Variants in PDS5B observed in about 807,000 individuals in gnomAD.
The protein encoded by PDS5B is PDS5 cohesin associated factor B, also known as sister chromatid cohesion protein PDS5 homolog B.
Under a neutral mutation model 184.1 loss-of-function variants are expected in PDS5B, and 51 were observed. The observed-to-expected ratio is 0.28, with a 90% CI of 0.22 to 0.35. The LOEUF (loss-of-function observed/expected upper bound fraction) is 0.35. Ranked by LOEUF, PDS5B falls within the 10% of genes least tolerant of loss-of-function variation. The probability of loss-of-function intolerance (pLI) is 1.00; values close to 1 mark genes in which losing one functional copy is unlikely to be tolerated. For synonymous variants in PDS5B, 566 were observed against 569.2 expected (o/e 0.99, Z 0.08); for missense variants, 1,180 against 1,723.3 (o/e 0.68, Z 5.58).
chr13:32,715,339 G>A (rs1427114270), intron 19 of PDS5B, among the ~76,000 whole-genome samples: 1 of 152,098 alleles, frequency 6.6e-6, no homozygotes, highest in Admixed American at 6.5e-5. Context: ...TTATCATGAG[G>A]TTACCCTGTC....
rs1324382029 is a variant in PDS5B at position 32,667,803 on chromosome 13, C to T, written c.664C>T (p.Leu222=). The T allele has an allele frequency of 1.3e-6, 2 of 1,596,242 alleles. No homozygotes were observed. Among genetic ancestry groups the T allele is most frequent in the East Asian group, 4.5e-5 (2 of 44,204 alleles). Reference sequence around the variant, plus strand: ...AGCATATGATTTGGCAAAGGCTTTACTGAAGAGGACAGCTCAAGCTATTGA... The same window carrying T: ...AGCATATGATTTGGCAAAGGCTTTATTGAAGAGGACAGCTCAAGCTATTGA... ...KQAYDLAKAL[L]KRTAQAIEPY... The change falls in exon 7 of 35, where the codon CTG becomes TTG. Residue 222 remains leucine (L), a synonymous_variant. Transcript: ENST00000315596.
chr13:32,760,820 A>G (rs1167533785), intron 30 of PDS5B, 100 bp downstream of exon 30: 2 of 1,118,006 alleles, frequency 1.8e-6, no homozygotes, highest in African/African-American at 1.6e-5. Context: ...CAGTAAATGG[A>G]AAGTAATGTA....
chr13:32,758,254 A>T, intron 27 of PDS5B, 35 bp downstream of exon 27: 1 of 1,435,058 alleles, frequency 7.0e-7, no homozygotes, highest in East Asian at 2.4e-5. Flanking sequence ...ATGGTTCCAT[A>T]TTGATTTAAA....
chr13:32,746,182 T>A, intron 24 of PDS5B, 82 bp downstream of exon 24: 1 of 1,172,576 alleles, frequency 8.5e-7, no homozygotes, highest in Non-Finnish European at 1.2e-6. Flanking sequence ...ATACATAGAT[T>A]AAAATCTTGA....
At chr13:32,597,885 A>C (rs1249471369) in intron 1 of PDS5B, among the ~76,000 whole-genome samples, 1 of 151,918 alleles carries the variant, frequency 6.6e-6, no homozygotes, top group Non-Finnish European at 1.5e-5. Context: ...TTAACATAAA[A>C]TATGTTTTAA....
chr13:32,629,762 A>G (rs1349740763), intron 1 of PDS5B, among the ~76,000 whole-genome samples: 3 of 151,932 alleles, frequency 2.0e-5, no homozygotes, highest in African/African-American at 7.3e-5. Flanking sequence ...CCATATAACC[A>G]TGTAAGCAGG....
At chr13:32,587,074 C>T (rs1253396282) in intron 1 of PDS5B, among the ~76,000 whole-genome samples, 1 of 146,874 alleles carries the variant, frequency 6.8e-6, no homozygotes, top group African/African-American at 2.5e-5. Flanking sequence ...AGGCGGGCGG[C>T]GCGGTGCTCC....
At position 32,678,886 on chromosome 13, in the gene PDS5B, C is replaced by T; in HGVS notation, c.1014C>T (p.Ser338=). The change falls in exon 10 of 35, where the codon AGC becomes AGT. Residue 338 remains serine, a synonymous_variant. Transcript: ENST00000315596. ...GCCTGGAATGTGTGAAATTTGCTAG[C>T]CATTGTCTCATGAACCATCCTGATT... is the stretch of plus-strand genomic sequence containing the variant. ...PIRLECVKFA[S]HCLMNHPDLA... The T allele has an allele frequency of 3.1e-6, 5 of 1,608,260 alleles. No homozygotes were observed. The highest frequency in any genetic ancestry group is 2.2e-5 in the South Asian group (2 of 90,944).
In PDS5B at chr13:32,678,830, A is replaced by G. The variant is rs761778643; in HGVS notation, c.963-5A>G. ...AGCTCACTCTGTGCTTTTATATTTT[A>G]TCAGGTTTAATGATATCCATGTACC... is the stretch of plus-strand genomic sequence containing the variant. On this transcript the variant is annotated splice_region_variant and splice_polypyrimidine_tract_variant and intron_variant, in intron 9 of 34. Coordinates refer to ENST00000315596, the MANE Select transcript of PDS5B (RefSeq NM_015032.4). 34 of 1,514,296 alleles carry G rather than the reference A, an allele frequency of 2.2e-5. No homozygotes were observed. The highest frequency in any genetic ancestry group is 2.8e-5 in the Non-Finnish European group (31 of 1,089,738). 93.8% of individuals were successfully genotyped at this position (1,514,296 alleles called of 1,614,324 possible). A position where few individuals can be genotyped will look rare whatever the true frequency, so the allele number is the denominator to read the frequency against.
chr13:32,661,753 G>C (rs964400517), intron 6 of PDS5B, among the ~76,000 whole-genome samples: 6 of 152,088 alleles, frequency 3.9e-5, no homozygotes, highest in Non-Finnish European at 5.9e-5. Context: ...TACTGAAAGA[G>C]AAATCATATA....
chr13:32,743,878 T>C (rs1215909920), intron 23 of PDS5B, among the ~76,000 whole-genome samples: 1 of 152,172 alleles, frequency 6.6e-6, no homozygotes, highest in Non-Finnish European at 1.5e-5. Context: ...TGTTTTCATT[T>C]AAAATTTTTA....
chr13:32,769,527 T>G (rs1954705932), intron 31 of PDS5B, among the ~76,000 whole-genome samples: 1 of 152,206 alleles, frequency 6.6e-6, no homozygotes, highest in African/African-American at 2.4e-5. Context: ...GCCACTGGTT[T>G]TTTGTTGTTT....
chr13:32,743,777 T>C (rs1953648995), intron 23 of PDS5B, among the ~76,000 whole-genome samples: 1 of 152,166 alleles, frequency 6.6e-6, no homozygotes, highest in African/African-American at 2.4e-5. Context: ...ATCTGTTTAC[T>C]TTCTTTTATT....
rs146808743 is a variant in PDS5B, at chr13:32,626,535, C to T, written c.-19-22219C>T. Among the ~76,000 whole-genome samples, 362 of 151,716 alleles carry T rather than the reference C, an allele frequency of 2.4e-3. 1 individual carries two copies. The highest frequency in any genetic ancestry group is 8.0e-3 in the African/African-American group (331 of 41,440). ...AGTCAGTCTTTAGTTTTGCCTCCTGCTTTTCTAGAACAAAATGTGATCATG... is the reference window on the plus strand; with the variant it reads ...AGTCAGTCTTTAGTTTTGCCTCCTGTTTTTCTAGAACAAAATGTGATCATG... On this transcript the variant is annotated intron_variant, in intron 1 of 34. Transcript: ENST00000315596.
intron 4 of PDS5B, 24 bp from the exon 5 acceptor site, chr13:32,658,410 C>T (rs1201724758): frequency 1.4e-6 from 2 of 1,465,254 alleles, no homozygotes; most frequent in South Asian, 1.2e-5. Context: ...GCTTAACTTT[C>T]ACTTTTTTAC....
chr13:32,753,139 T>C (rs542542692), intron 24 of PDS5B, among the ~76,000 whole-genome samples, 193 bp from the exon 25 acceptor site: 8 of 152,206 alleles, frequency 5.3e-5, no homozygotes, highest in Non-Finnish European at 1.0e-4. Flanking sequence ...CTGGTACTTA[T>C]TAGGGCCCAG....
intron 1 of PDS5B, among the ~76,000 whole-genome samples, chr13:32,621,258 G>A (rs763316435): frequency 8.5e-5 from 13 of 152,212 alleles, no homozygotes; most frequent in Non-Finnish European, 1.8e-4. Context: ...GAGCTCAGGA[G>A]TTTGAGAGCA....
Position 32,775,060 on chromosome 13 carries a change from TA to T in PDS5B, c.*10del. ...AAAAGGGAACGGCGATGAACAAATG[TA>T]ATTAATAACTTTCTCTGTGAAAGCT... On this transcript the variant is annotated 3_prime_UTR_variant, in exon 35 of 35. Transcript: ENST00000315596. 1 of 1,580,732 alleles carries T rather than the reference TA, an allele frequency of 6.3e-7. No homozygotes were observed. Among genetic ancestry groups the T allele is most frequent in the Non-Finnish European group, 8.7e-7 (1 of 1,152,450 alleles).
At chr13:32,673,778 G>A (rs1046659037) in intron 8 of PDS5B, among the ~76,000 whole-genome samples, 7 of 152,076 alleles carry the variant, frequency 4.6e-5, no homozygotes, top group Admixed American at 1.3e-4. Flanking sequence ...TGTTGCCTAT[G>A]TTGAAAGTTT....
Sources: gnomAD v4.1 joint callset for allele counts (sites outside exome capture counted in the v4.1 genomes callset) on GRCh38, gnomAD v4.1.1 for gene constraint, MANE v1.5 for transcripts, NCBI Gene and HGNC (gene_info 2026-07-23, HGNC 2026-07-21) for gene names.